Variants in ODR4 observed in about 807,000 individuals in gnomAD.
ODR4 encodes protein odr-4 homolog.
Under a neutral mutation model 60.2 loss-of-function variants are expected in ODR4, and 47 were observed. That is an observed-to-expected ratio of 0.78 (90% CI 0.62 to 1.00). The LOEUF is 1.00. Ranked by LOEUF, ODR4 falls within the 50% of genes least tolerant of loss-of-function variation. The pLI, the probability that ODR4 is intolerant of heterozygous loss-of-function variation, is 0.00. For missense variants in ODR4, 488 were observed against 530.8 expected (o/e 0.92, Z 0.79); for synonymous variants, 178 against 175.5 (o/e 1.01, Z -0.11).
the ODR4 span, among the ~76,000 whole-genome samples, chr1:186,433,001 G>T: frequency 2.9e-4 from 44 of 152,080 alleles, no homozygotes; most frequent in African/African-American, 9.6e-4. Context: ...GGTCAGGCTG[G>T]TCTCGAACTC....
At chr1:186,383,226 T>C in intron 3 of ODR4, 70 bp downstream of exon 3, 1 of 1,463,766 alleles carries the variant, frequency 6.8e-7, no homozygotes, top group Non-Finnish European at 9.2e-7. Flanking sequence ...GAAGATTTAG[T>C]GAATGAGTAG....
the ODR4 span, among the ~76,000 whole-genome samples, chr1:186,431,109 C>T: frequency 6.6e-6 from 1 of 152,106 alleles, no homozygotes; most frequent in Admixed American, 6.6e-5. Context: ...CCTCTTCTAG[C>T]ATAATAGCTC....
At chr1:186,399,227 C>CA (rs1660821946) in intron 11 of ODR4, 183 bp downstream of exon 11, 1 of 572,750 alleles carries the variant, frequency 1.7e-6, no homozygotes, top group South Asian at 1.6e-5. Flanking sequence ...TTTTTTTAGA[C>CA]AGAGTCTCAC....
At chr1:186,386,366 T>C (rs1292134912) in intron 4 of ODR4, among the ~76,000 whole-genome samples, 3 of 152,172 alleles carry the variant, frequency 2.0e-5, no homozygotes, top group African/African-American at 4.8e-5. Flanking sequence ...TCAGCCCATA[T>C]GGCATTTCAT....
intron 12 of ODR4, among the ~76,000 whole-genome samples, chr1:186,409,645 A>C (rs888806654): frequency 6.6e-6 from 1 of 152,200 alleles, no homozygotes; most frequent in African/African-American, 2.4e-5. Flanking sequence ...TCCCGGGTTC[A>C]AGCGATTCTC....
At chr1:186,421,824 T>A (rs1661788849), downstream of ODR4, among the ~76,000 whole-genome samples, 1 of 138,826 alleles carries the variant, frequency 7.2e-6, no homozygotes, top group South Asian at 2.2e-4. Context: ...ATTGCACCAC[T>A]GCACTCCAGC....
At chr1:186,432,330 C>T in the ODR4 span, among the ~76,000 whole-genome samples, 1 of 152,060 alleles carries the variant, frequency 6.6e-6, no homozygotes. Flanking sequence ...GAAATATTAG[C>T]CTGTAATTTT....
At chr1:186,387,244 T>C (rs534767921) in intron 4 of ODR4, among the ~76,000 whole-genome samples, 4 of 152,298 alleles carry the variant, frequency 2.6e-5, no homozygotes, top group Admixed American at 2.6e-4. Flanking sequence ...AATGGAGATA[T>C]TCTCCTCCCT....
At chr1:186,431,448 C>T in the ODR4 span, among the ~76,000 whole-genome samples, 2 of 151,898 alleles carry the variant, frequency 1.3e-5, no homozygotes, top group Non-Finnish European at 1.5e-5. Context: ...ATTTGGGAGG[C>T]TTATCTAATA....
At chr1:186,414,837 CAG>C (rs1661502622) in intron 12 of ODR4, among the ~76,000 whole-genome samples, 1 of 152,056 alleles carries the variant, frequency 6.6e-6, no homozygotes, top group South Asian at 2.1e-4. Flanking sequence ...ACCTTTTTAA[CAG>C]AGATATTTGC....
rs1042769672 is a variant in ODR4 at position 186,420,931 on chromosome 1, A to G, written c.*1855A>G. 3 of 152,222 alleles carry G rather than the reference A, an allele frequency of 2.0e-5. No individual in the cohort carries two copies. The highest frequency in any genetic ancestry group is 4.4e-5 in the Non-Finnish European group (3 of 68,034). 9.4% of individuals were successfully genotyped at this position (152,222 alleles called of 1,614,324 possible). On this transcript the variant is annotated 3_prime_UTR_variant, in exon 14 of 14. Coordinates refer to ENST00000287859, the MANE Select transcript of ODR4 (RefSeq NM_017847.6). ...CCAAACATATATTTAAATAAAATCC[A>G]GGCCTAGACTCAAGGTATTGTAAAT...
At chr1:186,393,550 G>A (rs773630601) in intron 8 of ODR4, among the ~76,000 whole-genome samples, 18 of 152,230 alleles carry the variant, frequency 1.2e-4, no homozygotes, top group Non-Finnish European at 2.4e-4. Flanking sequence ...CAAACTTTAT[G>A]TGAAGAGAAA....
chr1:186,411,478 C>G (rs1260886864), intron 12 of ODR4, among the ~76,000 whole-genome samples: 2 of 152,022 alleles, frequency 1.3e-5, no homozygotes, highest in East Asian at 1.9e-4. Context: ...AAACAATATA[C>G]TTTATCCATT....
Position 186,389,886 on chromosome 1 carries a change from C to T in ODR4, c.474+262C>T, listed in dbSNP as rs143847382. ...CACTGCAGCCTCCACCTCTTGGGCT[C>T]GAGGGATCCTCCCACCTCAGCCTCT... On this transcript the variant is annotated intron_variant, in intron 6 of 13. Transcript: ENST00000287859. Among the ~76,000 whole-genome samples the T allele has an allele frequency of 3.7e-3, 568 of 152,298 alleles. 5 individuals are homozygous for T. The highest frequency in any genetic ancestry group is 0.013 in the African/African-American group (551 of 41,562).
At chr1:186,397,098 A>G (rs1368496574) in intron 9 of ODR4, among the ~76,000 whole-genome samples, 1 of 152,176 alleles carries the variant, frequency 6.6e-6, no homozygotes, top group Non-Finnish European at 1.5e-5. Flanking sequence ...TTTTTTGTCA[A>G]CAAGTCCTTG....
intron 11 of ODR4, among the ~76,000 whole-genome samples, chr1:186,404,394 A>G (rs1252777566): frequency 6.6e-6 from 1 of 152,168 alleles, no homozygotes; most frequent in East Asian, 1.9e-4. Flanking sequence ...GGAACCAGTT[A>G]TTTAACGTTT....
At chr1:186,401,148 TCC>T in intron 11 of ODR4, 1 of 1,596,318 alleles carries the variant, frequency 6.3e-7, no homozygotes, top group South Asian at 1.1e-5. Flanking sequence ...TATATGGCTA[TCC>T]TGGTATTCTT....
At chr1:186,390,592 T>G (rs1042034099) in intron 6 of ODR4, 119 bp from the exon 7 acceptor site, 10 of 1,007,184 alleles carry the variant, frequency 9.9e-6, no homozygotes, top group Non-Finnish European at 1.4e-5. Flanking sequence ...GGTTTAGCCA[T>G]ATATGTTAGA....
chr1:186,393,861 C>T (rs1179289522), intron 8 of ODR4, 86 bp from the exon 9 acceptor site: 1 of 691,096 alleles, frequency 1.4e-6, no homozygotes, highest in Non-Finnish European at 2.5e-6. Flanking sequence ...TTCTAAGTTA[C>T]TTAGTATATG....
Sources: allele counts gnomAD v4.1 joint callset (sites outside exome capture counted in the v4.1 genomes callset), GRCh38; gene constraint gnomAD v4.1.1; transcripts MANE v1.5; gene names NCBI Gene and HGNC (gene_info 2026-07-23, HGNC 2026-07-21).